SPATS1: variants seen among roughly 807,000 people sequenced by gnomAD.
SPATS1 encodes the protein spermatogenesis-associated serine-rich protein 1.
In SPATS1, 23 loss-of-function variants were observed where a neutral mutation model predicts 33.6. The ratio of observed to expected loss-of-function variants is 0.68; its 90% CI spans 0.49 to 0.97. The LOEUF (loss-of-function observed/expected upper bound fraction) is 0.97. SPATS1 is among the 50% of genes least tolerant of loss of function. SPATS1 has a pLI of 0.00. For missense variants in SPATS1, 327 were observed against 361.0 expected, an observed-to-expected ratio of 0.91 and a Z score of 0.76; for synonymous variants, 131 against 125.6, an observed-to-expected ratio of 1.04 and a Z score of -0.29.
intron 2 of SPATS1, among the ~76,000 whole-genome samples, chr6:44,350,452 G>A (rs543659831): frequency 1.0e-3 from 153 of 152,324 alleles, no homozygotes; most frequent in Admixed American, 3.5e-3. Flanking sequence ...ATAGGTCTGC[G>A]ATGGAATTTG....
At chr6:44,371,302 TA>T (rs891965619) in intron 7 of SPATS1, among the ~76,000 whole-genome samples, 1,509 of 136,650 alleles carry the variant, frequency 0.011, 7 homozygotes, top group African/African-American at 0.025. Context: ...TGTCTCAAAT[TA>T]AAAAAAAAAA....
intron 2 of SPATS1, among the ~76,000 whole-genome samples, chr6:44,350,094 C>A (rs2153365560): frequency 6.6e-6 from 1 of 152,180 alleles, no homozygotes; most frequent in East Asian, 1.9e-4. Flanking sequence ...CTGCTCTAGG[C>A]TCTAGGGCAT....
chr6:44,343,360 A>G, intron 2 of SPATS1, 126 bp downstream of exon 2: 1 of 1,117,926 alleles, frequency 8.9e-7, no homozygotes, highest in Non-Finnish European at 1.3e-6. Context: ...GGGCATGTAA[A>G]AAGAGCTGCT....
chr6:44,363,783 A>G (rs904950361), intron 5 of SPATS1, among the ~76,000 whole-genome samples: 2 of 145,812 alleles, frequency 1.4e-5, no homozygotes, highest in Non-Finnish European at 3.0e-5. Context: ...TTAGGGTTTT[A>G]TAAATACTGA....
Position 44,352,793 on chromosome 6 carries a change from T to C in SPATS1, c.207T>C (p.Ser69=), listed in dbSNP as rs1788319883. 6.2e-7 allele frequency: 1 copy of C among 1,614,174 alleles called. No homozygotes were observed. ...CCAACACAACACCCTCTGGCAAAAG[T>C]GTCAGTTCCTCATCTTCTGTGGAAA... ...CFANTTPSGK[S]VSSSSSVETG... is the part of the protein sequence containing the mutation. The change falls in exon 3 of 9, where the codon AGT becomes AGC. Residue 69 remains serine (S), a synonymous_variant. Coordinates refer to ENST00000674044, the MANE Select transcript of SPATS1 (RefSeq NM_001372081.1).
Position 44,379,386 on chromosome 6 carries a change from C to T in SPATS1, c.*2323C>T, listed in dbSNP as rs963607164. 4.0e-5 allele frequency among the ~76,000 whole-genome samples: 6 copies of T among 151,774 alleles called. No homozygotes were observed. Among genetic ancestry groups the T allele is most frequent in the African/African-American group, 1.2e-4 (5 of 41,320 alleles). ...CAGGCGGATCACGAGGTCAGGAGAT[C>T]GAGACCATCCTGGCTAACATGGAGA... On this transcript the variant is annotated 3_prime_UTR_variant, in exon 9 of 9. Transcript: ENST00000674044.
At chr6:44,356,662 G>A (rs553180138) in intron 3 of SPATS1, among the ~76,000 whole-genome samples, 70 of 152,168 alleles carry the variant, frequency 4.6e-4, no homozygotes, top group Non-Finnish European at 8.7e-4. Context: ...ACTGGCTGTT[G>A]CCCACAGGCT....
chr6:44,367,233 G>A (rs145493349), intron 5 of SPATS1, among the ~76,000 whole-genome samples: 3,159 of 152,246 alleles, frequency 0.021, 64 homozygotes, highest in South Asian at 0.092. Context: ...GATTACTGGC[G>A]TGTGCCACCA....
chr6:44,343,739 G>A (rs1224277947), intron 2 of SPATS1, among the ~76,000 whole-genome samples: 3 of 152,186 alleles, frequency 2.0e-5, no homozygotes, highest in African/African-American at 2.4e-5. Context: ...GGTTAAGGCC[G>A]AGGAGGGTAT....
In SPATS1 at chr6:44,361,976, T is replaced by C. The variant is rs1788949453; in HGVS notation, c.558T>C (p.Phe186=). 6.2e-7 allele frequency: 1 copy of C among 1,614,144 alleles called. No homozygotes were observed. Among genetic ancestry groups the C allele is most frequent in the Non-Finnish European group, 8.5e-7 (1 of 1,180,030 alleles). The stretch of plus-strand genomic sequence containing the variant: ...CAGAGAGGACGGTGGACAAGTGCTT[T>C]GGGAGAAAGAAATACGGTGATGTTT... ...SLSERTVDKC[F]GRKKYDIDPR... The change falls in exon 5 of 9, where the codon TTT becomes TTC. Residue 186 remains phenylalanine, a synonymous_variant. Transcript: ENST00000674044.
At chr6:44,361,038 T>C (rs1263807904) in intron 4 of SPATS1, among the ~76,000 whole-genome samples, 3 of 152,154 alleles carry the variant, frequency 2.0e-5, no homozygotes, top group African/African-American at 7.2e-5. Flanking sequence ...AATATAGACA[T>C]ACCCATTTTA....
At chr6:44,371,136 AT>A (rs201548485) in intron 7 of SPATS1, among the ~76,000 whole-genome samples, 3 of 152,072 alleles carry the variant, frequency 2.0e-5, no homozygotes, top group South Asian at 2.1e-4. Flanking sequence ...TCTACAAAAT[AT>A]TTTTTTTAAA....
intron 3 of SPATS1, among the ~76,000 whole-genome samples, chr6:44,354,637 T>TCCC (rs1460826492): frequency 2.6e-5 from 4 of 151,992 alleles, no homozygotes; most frequent in Non-Finnish European, 5.9e-5. Flanking sequence ...ATGTACAGCC[T>TCCC]CCCCCACTAT....
At position 44,352,722 on chromosome 6, in the gene SPATS1, A is replaced by T; in HGVS notation, c.140-4A>T. 6.2e-7 allele frequency: 1 copy of T among 1,613,498 alleles called. No homozygotes were observed. The highest frequency in any genetic ancestry group is 8.5e-7 in the Non-Finnish European group (1 of 1,179,420). On this transcript the variant is annotated splice_polypyrimidine_tract_variant and splice_region_variant and intron_variant, in intron 2 of 8. Coordinates refer to ENST00000674044, the MANE Select transcript of SPATS1 (RefSeq NM_001372081.1). ...AATTAAATGGTGATATCTCTGTGTTACAGGTGCTAATTGCAGTGATTTTCT... is the reference window on the plus strand; with the variant it reads ...AATTAAATGGTGATATCTCTGTGTTTCAGGTGCTAATTGCAGTGATTTTCT...
intron 3 of SPATS1, among the ~76,000 whole-genome samples, chr6:44,356,168 C>T (rs1788577224): frequency 6.6e-6 from 1 of 152,146 alleles, no homozygotes; most frequent in South Asian, 2.1e-4. Context: ...TTCTGTGTTC[C>T]TTGTCTCAGT....
intron 6 of SPATS1, among the ~76,000 whole-genome samples, chr6:44,368,919 C>T (rs1477716018): frequency 5.0e-5 from 7 of 138,900 alleles, no homozygotes; most frequent in Admixed American, 1.6e-4. Context: ...TTTTTTGAGA[C>T]GGAGTCTCGC....
At position 44,378,095 on chromosome 6, in the gene SPATS1, C is replaced by T. The variant is rs1790052936; in HGVS notation, c.*1032C>T. The T allele has an allele frequency of 6.6e-6, 1 of 152,206 alleles. No homozygotes were observed. The highest frequency in any genetic ancestry group is 2.1e-4 in the South Asian group (1 of 4,830). The allele number at this position is 152,206 out of a possible 1,614,324, so 9.4% of individuals were successfully genotyped here. A position where few individuals can be genotyped will look rare whatever the true frequency, so the allele number is the denominator to read the frequency against. ...AAGTAATACTATTGCCCTGTAGCTG[C>T]ATTCCCCAGTTTAGTATTGCCTATC... On this transcript the variant is annotated 3_prime_UTR_variant, in exon 9 of 9. Transcript: ENST00000674044.
chr6:44,351,449 C>T (rs550167924), intron 2 of SPATS1, among the ~76,000 whole-genome samples: 14 of 152,274 alleles, frequency 9.2e-5, no homozygotes, highest in Non-Finnish European at 1.8e-4. Flanking sequence ...GAATAGTAGT[C>T]AGTCTAAAAA....
Position 44,377,146 on chromosome 6 carries a change from T to G in SPATS1, c.*83T>G. 1 of 1,537,728 alleles carries G rather than the reference T, an allele frequency of 6.5e-7. No individual in the cohort carries two copies. The highest frequency in any genetic ancestry group is 9.0e-7 in the Non-Finnish European group (1 of 1,110,672). On this transcript the variant is annotated 3_prime_UTR_variant, in exon 9 of 9. Coordinates refer to ENST00000674044, the MANE Select transcript of SPATS1 (RefSeq NM_001372081.1). Reference sequence around the variant, plus strand: ...GATGTTTTTTGTCATGTGACTGTTCTAAATCCAGTGTTTGACCCTTATGAG... The same window carrying G: ...GATGTTTTTTGTCATGTGACTGTTCGAAATCCAGTGTTTGACCCTTATGAG...
Sources: gnomAD v4.1 joint callset for allele counts (sites outside exome capture counted in the v4.1 genomes callset) on GRCh38, gnomAD v4.1.1 for gene constraint, MANE v1.5 for transcripts, NCBI Gene and HGNC (gene_info 2026-07-23, HGNC 2026-07-21) for gene names.